The following NCKAP5 variants were observed in gnomAD, a reference collection of about 807,000 sequenced individuals.
NCKAP5 encodes nck-associated protein 5.
A neutral mutation model predicts 167.0 loss-of-function variants in NCKAP5; 92 were observed. That is an observed-to-expected ratio of 0.55 (90% confidence interval 0.47 to 0.66). The LOEUF (loss-of-function observed/expected upper bound fraction) is 0.66. NCKAP5 is among the 30% of genes least tolerant of loss of function. The probability of loss-of-function intolerance (pLI) is 0.00; values close to 1 mark genes in which losing one functional copy is unlikely to be tolerated. For missense variants in NCKAP5, 2,378 were observed against 2,315.0 expected (o/e 1.03, Z -0.56); for synonymous variants, 891 against 877.4 (o/e 1.02, Z -0.27).
intron 3 of NCKAP5, among the ~76,000 whole-genome samples, chr2:133,444,047 TTTTA>T (rs148731586): frequency 0.036 from 5,523 of 152,272 alleles, 136 homozygotes; most frequent in Admixed American, 0.083. Context: ...TAAAAAGTCC[TTTTA>T]TTTTTTTTTC....
At chr2:132,872,599 C>T (rs543610457) in intron 9 of NCKAP5, among the ~76,000 whole-genome samples, 20 of 152,276 alleles carry the variant, frequency 1.3e-4, no homozygotes, top group Middle Eastern at 3.4e-3. Flanking sequence ...GGTTTACGGG[C>T]GTGGGGAGCG....
chr2:132,920,020 T>A (rs894558198), intron 8 of NCKAP5, among the ~76,000 whole-genome samples: 2 of 152,196 alleles, frequency 1.3e-5, no homozygotes, highest in African/African-American at 4.8e-5. Flanking sequence ...AATTTTAAAA[T>A]CCAAGTAGCA....
chr2:132,795,815 T>A, intron 12 of NCKAP5, among the ~76,000 whole-genome samples: 1 of 76,208 alleles, frequency 1.3e-5, no homozygotes. Context: ...TGAGACCCCG[T>A]ATCAGAAAAA....
At chr2:133,663,252 G>T in the NCKAP5 span, among the ~76,000 whole-genome samples, 1 of 148,700 alleles carries the variant, frequency 6.7e-6, no homozygotes, top group South Asian at 2.2e-4. Context: ...CGGCCTGGGC[G>T]GCAGAGCGAG....
At chr2:132,994,091 A>T in intron 7 of NCKAP5, 61 bp downstream of exon 7, 1 of 1,268,098 alleles carries the variant, frequency 7.9e-7, no homozygotes, top group Non-Finnish European at 1.1e-6. Context: ...GGACAAACCT[A>T]GAGAAATACA....
intron 8 of NCKAP5, among the ~76,000 whole-genome samples, chr2:132,904,185 G>A (rs1411442892): frequency 6.6e-6 from 1 of 152,052 alleles, no homozygotes; most frequent in Non-Finnish European, 1.5e-5. Flanking sequence ...CTACTTGGGA[G>A]GCTGAGGCAA....
intron 19 of NCKAP5, among the ~76,000 whole-genome samples, chr2:132,683,266 T>TAA (rs34784302): frequency 2.0e-5 from 3 of 151,470 alleles, no homozygotes; most frequent in African/African-American, 4.8e-5. Flanking sequence ...GAATAGAACC[T>TAA]AAAAAAAAAT....
intron 6 of NCKAP5, among the ~76,000 whole-genome samples, chr2:133,065,104 TCTC>T (rs1433826779): frequency 6.6e-6 from 1 of 152,132 alleles, no homozygotes; most frequent in Non-Finnish European, 1.5e-5. Context: ...AGTAGAATAA[TCTC>T]CTCTCCTCTC....
intron 7 of NCKAP5, among the ~76,000 whole-genome samples, chr2:132,965,446 G>A (rs890648212): frequency 2.6e-5 from 4 of 152,168 alleles, no homozygotes; most frequent in Admixed American, 6.5e-5. Context: ...TGTGGTTTGG[G>A]ATGACTGTAA....
chr2:133,493,128 C>G (rs1246797516), intron 3 of NCKAP5, among the ~76,000 whole-genome samples: 2 of 152,144 alleles, frequency 1.3e-5, no homozygotes. Flanking sequence ...TTGGGTGTAG[C>G]TAGGGAAGGT....
chr2:133,568,720 C>T (rs536530770), upstream of NCKAP5, among the ~76,000 whole-genome samples: 199 of 152,284 alleles, frequency 1.3e-3, no homozygotes, highest in Non-Finnish European at 2.5e-3. Context: ...CCAGCTTACA[C>T]TGGAATAGCT....
At chr2:133,455,723 C>T (rs1248643966) in intron 3 of NCKAP5, among the ~76,000 whole-genome samples, 1 of 152,104 alleles carries the variant, frequency 6.6e-6, no homozygotes, top group Non-Finnish European at 1.5e-5. Flanking sequence ...AAGACCCTCG[C>T]TGAAAAAGTC....
intron 7 of NCKAP5, among the ~76,000 whole-genome samples, chr2:132,983,116 A>C (rs918782363): frequency 6.6e-6 from 1 of 152,026 alleles, no homozygotes; most frequent in African/African-American, 2.4e-5. Flanking sequence ...CTTGACTGTT[A>C]CTGATGTATA....
At chr2:133,130,917 T>C (rs1038184309) in intron 5 of NCKAP5, among the ~76,000 whole-genome samples, 1 of 152,222 alleles carries the variant, frequency 6.6e-6, no homozygotes, top group African/African-American at 2.4e-5. Context: ...GTTACTACAC[T>C]AAGCATTTTG....
intron 6 of NCKAP5, among the ~76,000 whole-genome samples, chr2:133,104,574 A>G (rs2149692128): frequency 6.6e-6 from 1 of 152,180 alleles, no homozygotes; most frequent in East Asian, 1.9e-4. Flanking sequence ...TTTATATCTC[A>G]TGTTTTCTTT....
intron 11 of NCKAP5, among the ~76,000 whole-genome samples, chr2:132,806,689 G>T (rs1558803773): frequency 6.6e-6 from 1 of 152,188 alleles, no homozygotes. Flanking sequence ...CAGATGTACA[G>T]ATTGTGAAGA....
chr2:133,268,619 A>G (rs1574553173), intron 4 of NCKAP5, among the ~76,000 whole-genome samples: 1 of 151,324 alleles, frequency 6.6e-6, no homozygotes, highest in African/African-American at 2.4e-5. Context: ...AGTAGCTGGG[A>G]CTACAGGCGC....
the NCKAP5 span, among the ~76,000 whole-genome samples, chr2:133,654,122 A>C: frequency 6.6e-6 from 1 of 152,116 alleles, no homozygotes; most frequent in East Asian, 1.9e-4. Context: ...GCTGGCTCAC[A>C]TCTGTAATCT....
intron 4 of NCKAP5, among the ~76,000 whole-genome samples, chr2:133,297,969 A>T (rs1481740283): frequency 1.3e-5 from 2 of 152,222 alleles, no homozygotes; most frequent in East Asian, 3.8e-4. Flanking sequence ...TGAACATGAC[A>T]TGCTATTCCC....
Sources: allele counts gnomAD v4.1 joint callset (sites outside exome capture counted in the v4.1 genomes callset), GRCh38; gene constraint gnomAD v4.1.1; transcripts MANE v1.5; gene names NCBI Gene and HGNC (gene_info 2026-07-23, HGNC 2026-07-21).